Variants in SGCZ observed in about 807,000 individuals in gnomAD.
SGCZ encodes zeta-sarcoglycan.
In SGCZ, 40 loss-of-function variants were observed where a neutral mutation model predicts 41.3. That is an observed-to-expected ratio of 0.97 (90% CI 0.75 to 1.26). SGCZ has a LOEUF of 1.26. SGCZ is among the 50% of genes most tolerant of loss of function. SGCZ has a pLI of 0.00. For synonymous variants in SGCZ, 206 were observed against 137.5 expected, an observed-to-expected ratio of 1.50 and a Z score of -3.49; for missense variants, 552 against 369.8, an observed-to-expected ratio of 1.49 and a Z score of -4.04.
At chr8:14,357,002 C>A (rs887695799) in intron 2 of SGCZ, among the ~76,000 whole-genome samples, 3 of 151,524 alleles carry the variant, frequency 2.0e-5, no homozygotes, top group African/African-American at 4.8e-5. Flanking sequence ...TATGGGCCAA[C>A]AAAGTGATAA....
intron 3 of SGCZ, among the ~76,000 whole-genome samples, chr8:14,263,243 G>C (rs1443958229): frequency 1.3e-5 from 2 of 152,148 alleles, no homozygotes; most frequent in Non-Finnish European, 2.9e-5. Flanking sequence ...ACAGTAATAT[G>C]TTTTAAGTCT....
intron 1 of SGCZ, among the ~76,000 whole-genome samples, chr8:15,093,190 G>C (rs941600804): frequency 4.6e-5 from 7 of 152,094 alleles, no homozygotes; most frequent in African/African-American, 1.7e-4. Context: ...TCTGACATAG[G>C]TGACATGATA....
intron 1 of SGCZ, among the ~76,000 whole-genome samples, chr8:14,661,468 G>C (rs543886813): frequency 6.6e-6 from 1 of 152,234 alleles, no homozygotes; most frequent in South Asian, 2.1e-4. Context: ...TTGAGTCAGT[G>C]CAATATCTAC....
intron 2 of SGCZ, among the ~76,000 whole-genome samples, chr8:14,482,787 C>T (rs892406234): frequency 6.6e-5 from 10 of 151,808 alleles, no homozygotes; most frequent in Non-Finnish European, 1.5e-4. Flanking sequence ...CTTGACTGCA[C>T]GAGGGGAGAC....
chr8:14,352,087 A>C (rs572208800), intron 2 of SGCZ, among the ~76,000 whole-genome samples: 1 of 152,170 alleles, frequency 6.6e-6, no homozygotes, highest in Non-Finnish European at 1.5e-5. Context: ...TTCTTTAATG[A>C]AAGTTAGCTT....
intron 5 of SGCZ, among the ~76,000 whole-genome samples, chr8:14,152,623 G>C (rs1803745476): frequency 6.6e-6 from 1 of 152,082 alleles, no homozygotes; most frequent in Admixed American, 6.6e-5. Flanking sequence ...TGCAAAAAAA[G>C]TTTATAAAAC....
At chr8:15,138,263 G>GT (rs112275088) in intron 1 of SGCZ, among the ~76,000 whole-genome samples, 4 of 152,264 alleles carry the variant, frequency 2.6e-5, no homozygotes, top group African/African-American at 9.6e-5. Context: ...TAACTAACTT[G>GT]TTTTTTATTT....
At chr8:14,251,300 T>A (rs571020381) in intron 3 of SGCZ, among the ~76,000 whole-genome samples, 30 of 152,302 alleles carry the variant, frequency 2.0e-4, no homozygotes, top group Non-Finnish European at 3.7e-4. Context: ...CATCATGTTT[T>A]TCTCTCAGGG....
chr8:14,975,114 G>T (rs1359581017), intron 1 of SGCZ, among the ~76,000 whole-genome samples: 1 of 152,030 alleles, frequency 6.6e-6, no homozygotes, highest in Non-Finnish European at 1.5e-5. Flanking sequence ...AGACCATCCT[G>T]GCTAACATGG....
At chr8:15,177,903 C>G (rs1429817558) in intron 1 of SGCZ, among the ~76,000 whole-genome samples, 1 of 152,142 alleles carries the variant, frequency 6.6e-6, no homozygotes, top group African/African-American at 2.4e-5. Context: ...AGTTCAGCCT[C>G]CTGATATACC....
chr8:14,995,473 G>A (rs1802183205), intron 1 of SGCZ, among the ~76,000 whole-genome samples: 1 of 152,182 alleles, frequency 6.6e-6, no homozygotes, highest in Non-Finnish European at 1.5e-5. Flanking sequence ...GGACAGTGGT[G>A]TCATTAACTA....
chr8:14,400,248 T>A (rs1799034646), intron 2 of SGCZ, among the ~76,000 whole-genome samples: 1 of 152,160 alleles, frequency 6.6e-6, no homozygotes, highest in East Asian at 1.9e-4. Flanking sequence ...GCAGATTTTA[T>A]TTATCCATTC....
rs552666819 is a variant in SGCZ, at chr8:14,260,091, C to G, written c.337-22412G>C. Among the ~76,000 whole-genome samples, 7 of 152,166 alleles carry G rather than the reference C, an allele frequency of 4.6e-5. No individual in the cohort carries two copies. The South Asian group carries it at 1.2e-3, about 27-fold the overall frequency. ...TTTGAAGCAATTGTGAATGGGAGTT[C>G]ACTCATGATTTGGCTCTCTGTTTGT... is the stretch of plus-strand genomic sequence containing the variant. On this transcript the variant is annotated intron_variant, in intron 3 of 7. Transcript: ENST00000382080.
intron 1 of SGCZ, among the ~76,000 whole-genome samples, chr8:14,567,265 A>G (rs1293587322): frequency 6.6e-6 from 1 of 152,192 alleles, no homozygotes; most frequent in Non-Finnish European, 1.5e-5. Context: ...CTGCCACACC[A>G]GTGCGGGATC....
chr8:14,376,633 C>A (rs868857610), intron 2 of SGCZ, among the ~76,000 whole-genome samples: 46 of 152,086 alleles, frequency 3.0e-4, no homozygotes, highest in African/African-American at 1.0e-3. Flanking sequence ...TGTTCCAGAG[C>A]ATAGAAGCTA....
intron 1 of SGCZ, among the ~76,000 whole-genome samples, chr8:14,834,949 A>G (rs1342698063): frequency 6.6e-6 from 1 of 152,198 alleles, no homozygotes; most frequent in East Asian, 1.9e-4. Context: ...CGATAATGCA[A>G]CAGATAAAAA....
chr8:14,275,752 T>C (rs562126595), intron 3 of SGCZ, among the ~76,000 whole-genome samples: 13 of 152,282 alleles, frequency 8.5e-5, no homozygotes, highest in Non-Finnish European at 1.8e-4. Flanking sequence ...GCAGGATCTT[T>C]TGTGCAATGG....
chr8:14,958,516 G>C (rs1800864270), intron 1 of SGCZ, among the ~76,000 whole-genome samples: 3 of 151,902 alleles, frequency 2.0e-5, no homozygotes, highest in South Asian at 4.1e-4. Flanking sequence ...AGAACTTACA[G>C]AACAGAAAAA....
At chr8:14,232,393 A>G (rs1338427218) in intron 4 of SGCZ, among the ~76,000 whole-genome samples, 1 of 152,042 alleles carries the variant, frequency 6.6e-6, no homozygotes, top group East Asian at 1.9e-4. Flanking sequence ...CTCAAAGTGT[A>G]AAATATGAAA....
Sources: gnomAD v4.1 joint callset for allele counts (sites outside exome capture counted in the v4.1 genomes callset) on GRCh38, gnomAD v4.1.1 for gene constraint, MANE v1.5 for transcripts, NCBI Gene and HGNC (gene_info 2026-07-23, HGNC 2026-07-21) for gene names.